TMEM117: variants seen among roughly 807,000 people sequenced by gnomAD.
TMEM117 encodes transmembrane protein 117.
A neutral mutation model predicts 52.4 loss-of-function variants in TMEM117; 27 were observed. That is an observed-to-expected ratio of 0.51 (90% CI 0.38 to 0.71). TMEM117 has a LOEUF of 0.71. Ranked by LOEUF, TMEM117 falls within the 30% of genes least tolerant of loss-of-function variation. TMEM117 has a pLI of 0.00. For missense variants in TMEM117, 556 were observed against 630.5 expected, an observed-to-expected ratio of 0.88 and a Z score of 1.26; for synonymous variants, 215 against 206.3, an observed-to-expected ratio of 1.04 and a Z score of -0.36.
intron 1 of TMEM117, among the ~76,000 whole-genome samples, chr12:43,842,759 AT>A (rs140879678): frequency 0.015 from 2,331 of 151,470 alleles, 66 homozygotes; most frequent in African/African-American, 0.052. Flanking sequence ...CACACACACA[AT>A]TTTTTTTTAT....
chr12:44,383,060 T>C (rs1426142098), intron 7 of TMEM117, among the ~76,000 whole-genome samples: 2 of 152,128 alleles, frequency 1.3e-5, no homozygotes, highest in Non-Finnish European at 2.9e-5. Context: ...GGTTTTGTGC[T>C]GTCCCATGAT....
intron 6 of TMEM117, among the ~76,000 whole-genome samples, chr12:44,331,144 T>G (rs1472969090): frequency 6.6e-6 from 1 of 151,900 alleles, no homozygotes; most frequent in African/African-American, 2.4e-5. Context: ...ATAAGGGCTT[T>G]TAATTCCACT....
At chr12:43,900,674 C>T (rs759241742) in intron 2 of TMEM117, among the ~76,000 whole-genome samples, 14 of 150,834 alleles carry the variant, frequency 9.3e-5, no homozygotes, top group African/African-American at 2.7e-4. Flanking sequence ...GCTGAGATCG[C>T]GCCACTGTAC....
At chr12:43,929,059 G>A (rs1402222339) in intron 2 of TMEM117, among the ~76,000 whole-genome samples, 10 of 151,560 alleles carry the variant, frequency 6.6e-5, no homozygotes, top group Non-Finnish European at 1.5e-4. Flanking sequence ...AAACATATGT[G>A]TGCATGTGTC....
At chr12:44,203,973 G>A (rs1395453131) in intron 4 of TMEM117, among the ~76,000 whole-genome samples, 2 of 151,994 alleles carry the variant, frequency 1.3e-5, no homozygotes, top group African/African-American at 4.8e-5. Flanking sequence ...ATGCTTAAGG[G>A]GCAAAATATG....
At chr12:44,397,621 T>C in the TMEM117 span, among the ~76,000 whole-genome samples, 1 of 152,236 alleles carries the variant, frequency 6.6e-6, no homozygotes, top group African/African-American at 2.4e-5. Context: ...TATTTACATG[T>C]TGAAAACATC....
At chr12:43,864,174 C>T (rs1454163609) in intron 2 of TMEM117, among the ~76,000 whole-genome samples, 12 of 152,314 alleles carry the variant, frequency 7.9e-5, no homozygotes, top group African/African-American at 2.9e-4. Flanking sequence ...CTGAGTCTCC[C>T]TCACTCCCCC....
At chr12:43,831,962 A>G (rs1209005030), upstream of TMEM117, among the ~76,000 whole-genome samples, 1 of 152,214 alleles carries the variant, frequency 6.6e-6, no homozygotes, top group Non-Finnish European at 1.5e-5. Context: ...GAGTAGGCAG[A>G]TGATTGACTA....
chr12:44,351,174 A>G (rs1308219781), intron 6 of TMEM117, among the ~76,000 whole-genome samples: 3 of 151,966 alleles, frequency 2.0e-5, no homozygotes, highest in African/African-American at 4.8e-5. Flanking sequence ...AAATGTCTAT[A>G]CAAATCTTTT....
chr12:44,388,160 G>C lies in TMEM117; in HGVS notation c.1033G>C (p.Asp345His). The change falls in exon 8 of 8, where the codon GAC becomes CAC. Residue 345 changes from aspartate (D) to histidine (H), a missense_variant. Asp to His is a moderately conservative substitution (Grantham distance 81). Around this residue, in one of 3 missense-constraint regions of TMEM117, gnomAD observed 206 missense variants for 211.1 expected, o/e 0.98. Transcript: ENST00000266534. The stretch of plus-strand genomic sequence containing the variant: ...GGGGCAGAAGATATATACAGTGAAA[G>C]ACTCAGAAAGTTTAAAAGATTTGAA... ...GPGQKIYTVK[D>H]SESLKDLNRT... The C allele has an allele frequency of 6.2e-7, 1 of 1,613,240 alleles. No homozygotes were observed. The highest frequency in any genetic ancestry group is 1.3e-5 in the African/African-American group (1 of 74,970).
At position 44,365,044 on chromosome 12, in the gene TMEM117, G is replaced by A. The variant is rs143526495; in HGVS notation, c.769-11551G>A. The stretch of plus-strand genomic sequence containing the variant: ...AAAAATCTCCTCAGGTGAGAAAAGC[G>A]AAGTGCAAAGAAGTTAGGGAGATAG... On this transcript the variant is annotated intron_variant, in intron 6 of 7. Transcript: ENST00000266534. Among the ~76,000 whole-genome samples the A allele has an allele frequency of 1.1e-3, 164 of 152,160 alleles. 1 individual carries two copies. Among genetic ancestry groups the A allele is most frequent in the Non-Finnish European group, 1.9e-3 (128 of 67,970 alleles).
intron 5 of TMEM117, among the ~76,000 whole-genome samples, chr12:44,248,138 C>T (rs1013508447): frequency 6.6e-6 from 1 of 152,040 alleles, no homozygotes; most frequent in African/African-American, 2.4e-5. Flanking sequence ...TCCTCTCAAT[C>T]GTGTGGTTCA....
At chr12:43,917,528 C>A (rs1199936681) in intron 2 of TMEM117, among the ~76,000 whole-genome samples, 1 of 152,154 alleles carries the variant, frequency 6.6e-6, no homozygotes, top group Non-Finnish European at 1.5e-5. Flanking sequence ...ATGTAACTGT[C>A]ACCCCAGTGG....
chr12:43,805,576 C>A, the TMEM117 span: 1 of 463,390 alleles, frequency 2.2e-6, no homozygotes, highest in Non-Finnish European at 4.3e-6. Context: ...GATATAACTG[C>A]ATATTGAACT....
Position 44,027,510 on chromosome 12 carries a change from A to G in TMEM117, c.410+83168A>G, listed in dbSNP as rs190172442. 4.6e-5 allele frequency among the ~76,000 whole-genome samples: 7 copies of G among 152,204 alleles called. No homozygotes were observed. The East Asian group carries it at 7.7e-4, about 17-fold the overall frequency. On this transcript the variant is annotated intron_variant, in intron 3 of 7. Transcript: ENST00000266534. ...TATAACCTAGACATTTTAAAAGAGG[A>G]TAGAATAGGTCAGTAATATAGTAGA...
chr12:43,851,034 C>A (rs561618812), intron 2 of TMEM117, among the ~76,000 whole-genome samples: 1 of 152,084 alleles, frequency 6.6e-6, no homozygotes, highest in Non-Finnish European at 1.5e-5. Flanking sequence ...TTATATAATT[C>A]TCTAATAAGA....
chr12:44,370,159 T>G (rs1202819899), intron 6 of TMEM117, among the ~76,000 whole-genome samples: 1 of 152,204 alleles, frequency 6.6e-6, no homozygotes, highest in Non-Finnish European at 1.5e-5. Context: ...CTTCTTTGTA[T>G]TTACATGATG....
At chr12:44,128,782 C>T (rs1023704742) in intron 3 of TMEM117, among the ~76,000 whole-genome samples, 1 of 152,180 alleles carries the variant, frequency 6.6e-6, no homozygotes, top group Non-Finnish European at 1.5e-5. Context: ...TATCTGGCAT[C>T]ATATATTGGT....
intron 4 of TMEM117, among the ~76,000 whole-genome samples, chr12:44,158,175 T>C (rs1190806194): frequency 6.6e-6 from 1 of 152,162 alleles, no homozygotes; most frequent in Non-Finnish European, 1.5e-5. Flanking sequence ...GTAAAGATGG[T>C]ATTTTCCTAG....
Sources: allele counts gnomAD v4.1 joint callset (sites outside exome capture counted in the v4.1 genomes callset), GRCh38; gene constraint gnomAD v4.1.1; regional missense constraint gnomAD v4.1.1; transcripts MANE v1.5; gene names NCBI Gene and HGNC (gene_info 2026-07-23, HGNC 2026-07-21).